The following LARGE1 variants were observed in gnomAD, a reference collection of about 807,000 sequenced individuals.
LARGE1 encodes LARGE xylosyl- and glucuronyltransferase 1.
A neutral mutation model predicts 87.6 loss-of-function variants in LARGE1; 43 were observed. The observed-to-expected ratio is 0.49, with a 90% CI of 0.38 to 0.63. LARGE1 has a LOEUF of 0.63. Among genes scored for constraint, LARGE1 ranks in the 30% least tolerant of loss-of-function variants. The pLI, the probability that LARGE1 is intolerant of heterozygous loss-of-function variation, is 0.00. For missense variants in LARGE1, 802 were observed against 1,000.2 expected (o/e 0.80, Z 2.67); for synonymous variants, 434 against 394.6 (o/e 1.10, Z -1.18).
intron 7 of LARGE1, among the ~76,000 whole-genome samples, chr22:33,413,779 T>G (rs561254406): frequency 1.2e-4 from 19 of 152,334 alleles, no homozygotes; most frequent in Non-Finnish European, 2.4e-4. Context: ...GGGGGCTTTT[T>G]AAAACTGCCC....
chr22:33,705,914 CTA>C (rs1312257263), intron 2 of LARGE1, among the ~76,000 whole-genome samples: 1 of 152,178 alleles, frequency 6.6e-6, no homozygotes, highest in East Asian at 1.9e-4. Flanking sequence ...CTCTAAAAAT[CTA>C]TGAGTTACCA....
At chr22:33,383,397 T>C (rs1447946757) in intron 8 of LARGE1, among the ~76,000 whole-genome samples, 1 of 151,902 alleles carries the variant, frequency 6.6e-6, no homozygotes, top group African/African-American at 2.4e-5. Context: ...CCATCTCTAC[T>C]AAAAATACAA....
chr22:33,145,784 C>G, the LARGE1 span, among the ~76,000 whole-genome samples: 1 of 152,156 alleles, frequency 6.6e-6, no homozygotes, highest in Non-Finnish European at 1.5e-5. Context: ...GAATAGCTCA[C>G]CAAATTGGCA....
At chr22:33,283,832 G>GAAAGA (rs140589002) in intron 12 of LARGE1, among the ~76,000 whole-genome samples, 13 of 130,460 alleles carry the variant, frequency 1.0e-4, no homozygotes, top group African/African-American at 2.8e-4. Flanking sequence ...GAAAAGAAAG[G>GAAAGA]AAAGAAAAGA....
chr22:33,354,748 T>C (rs1257212676), intron 9 of LARGE1, among the ~76,000 whole-genome samples: 2 of 152,234 alleles, frequency 1.3e-5, no homozygotes, highest in Admixed American at 1.3e-4. Context: ...GTACTTTTTT[T>C]CCATTTGGAT....
upstream of LARGE1, among the ~76,000 whole-genome samples, chr22:33,920,713 A>G (rs1482259766): frequency 1.4e-5 from 2 of 144,624 alleles, no homozygotes; most frequent in African/African-American, 2.5e-5. Context: ...CGGGGAGCCG[A>G]GGCGGGCGGC....
chr22:33,368,399 T>C (rs531659255), intron 9 of LARGE1, among the ~76,000 whole-genome samples: 17 of 152,046 alleles, frequency 1.1e-4, no homozygotes, highest in African/African-American at 4.1e-4. Flanking sequence ...CCAGGCGTGG[T>C]GGCGGGCACC....
intron 6 of LARGE1, among the ~76,000 whole-genome samples, chr22:33,478,934 C>T (rs2069193576): frequency 6.6e-6 from 1 of 152,068 alleles, no homozygotes; most frequent in African/African-American, 2.4e-5. Flanking sequence ...CCATTTAGCC[C>T]CCAGGATGGA....
At chr22:33,823,853 A>G (rs1459976767) in intron 1 of LARGE1, among the ~76,000 whole-genome samples, 2 of 152,150 alleles carry the variant, frequency 1.3e-5, no homozygotes, top group African/African-American at 2.4e-5. Context: ...TTTAAAGGGC[A>G]CGTCTCGATA....
At chr22:33,099,352 T>TAAGCGATTCTCCGGCCTC in the LARGE1 span, among the ~76,000 whole-genome samples, 2,796 of 152,162 alleles carry the variant, frequency 0.018, 37 homozygotes, top group Middle Eastern at 0.078. Context: ...CTCCTGGGTT[T>TAAGCGATTCTCCGGCCTC]AAGCGATTCT....
intron 4 of LARGE1, among the ~76,000 whole-genome samples, chr22:33,610,482 T>C (rs1390327351): frequency 6.6e-6 from 1 of 152,124 alleles, no homozygotes; most frequent in Admixed American, 6.5e-5. Flanking sequence ...CAACCTAGGG[T>C]ATCTGCCAGA....
At chr22:33,361,032 T>A (rs1421529001) in intron 9 of LARGE1, among the ~76,000 whole-genome samples, 1 of 148,740 alleles carries the variant, frequency 6.7e-6, no homozygotes, top group African/African-American at 2.5e-5. Flanking sequence ...CTGCCCAACA[T>A]GGTGAAACCC....
intron 11 of LARGE1, among the ~76,000 whole-genome samples, chr22:33,195,274 T>C (rs1924005139): frequency 6.6e-6 from 1 of 152,120 alleles, no homozygotes; most frequent in Non-Finnish European, 1.5e-5. Context: ...CATTCCTCAC[T>C]CAGCAACTGG....
chr22:33,094,395 C>T, the LARGE1 span, among the ~76,000 whole-genome samples: 2 of 152,102 alleles, frequency 1.3e-5, no homozygotes, highest in South Asian at 4.1e-4. Flanking sequence ...CTCTCAACAG[C>T]TCCCCTGGCA....
chr22:33,223,057 C>T (rs939799043), intron 11 of LARGE1, among the ~76,000 whole-genome samples: 4 of 152,280 alleles, frequency 2.6e-5, no homozygotes, highest in South Asian at 4.1e-4. Context: ...GTGCCAGCAG[C>T]TGGATGAATA....
intron 1 of LARGE1, among the ~76,000 whole-genome samples, chr22:33,892,883 C>T (rs939559017): frequency 6.6e-6 from 1 of 152,222 alleles, no homozygotes; most frequent in Non-Finnish European, 1.5e-5. Flanking sequence ...ACACAAGAGC[C>T]CGTGTGCAGG....
chr22:33,685,374 G>T (rs1340195604), intron 2 of LARGE1, among the ~76,000 whole-genome samples: 1 of 152,172 alleles, frequency 6.6e-6, no homozygotes, highest in Non-Finnish European at 1.5e-5. Flanking sequence ...AGTCAAATGT[G>T]CATCCCTAAT....
At chr22:33,388,330 C>T (rs1038424458) in intron 7 of LARGE1, among the ~76,000 whole-genome samples, 5 of 152,184 alleles carry the variant, frequency 3.3e-5, no homozygotes, top group Admixed American at 1.3e-4. Flanking sequence ...AAAGTTGGAC[C>T]GGGATTGCCG....
intron 11 of LARGE1, among the ~76,000 whole-genome samples, chr22:33,185,059 T>C (rs1235789338): frequency 2.6e-5 from 4 of 152,296 alleles, no homozygotes; most frequent in African/African-American, 7.2e-5. Flanking sequence ...CTGGTATTTA[T>C]CTAAGTGAAT....
Sources: allele counts gnomAD v4.1 joint callset (sites outside exome capture counted in the v4.1 genomes callset), GRCh38; gene constraint gnomAD v4.1.1; transcripts MANE v1.5; gene names NCBI Gene and HGNC (gene_info 2026-07-23, HGNC 2026-07-21).